Variants in XIRP2 observed in about 807,000 individuals in gnomAD.
The protein encoded by XIRP2 is xin actin-binding repeat-containing protein 2.
In XIRP2, 236 loss-of-function variants were observed where a neutral mutation model predicts 277.0. The ratio of observed to expected loss-of-function variants is 0.85; its 90% CI spans 0.77 to 0.95. The LOEUF (loss-of-function observed/expected upper bound fraction) is 0.95, where lower values mean the gene tolerates loss of function less well. XIRP2 is among the 40% of genes least tolerant of loss of function. The pLI, the probability that XIRP2 is intolerant of heterozygous loss-of-function variation, is 0.00. For missense variants in XIRP2, 4,640 were observed against 4,157.5 expected (o/e 1.12, Z -3.19); for synonymous variants, 1,490 against 1,416.5 (o/e 1.05, Z -1.17).
intron 8 of XIRP2, 133 bp downstream of exon 8, chr2:167,242,043 T>A: frequency 8.6e-7 from 1 of 1,165,188 alleles, no homozygotes; most frequent in Non-Finnish European, 1.1e-6. Context: ...TATTCAGTTC[T>A]GTAAGGAGAA....
chr2:166,985,628 C>T (rs1038926222), intron 2 of XIRP2, among the ~76,000 whole-genome samples: 3 of 152,024 alleles, frequency 2.0e-5, no homozygotes, highest in Admixed American at 6.5e-5. Flanking sequence ...GACAGGGTTT[C>T]ACCGTATTAG....
chr2:167,187,479 A>G, intron 3 of XIRP2: 3 of 985,342 alleles, frequency 3.0e-6, no homozygotes, highest in Non-Finnish European at 3.6e-6. Flanking sequence ...GAAGAACTAT[A>G]AAGATATATG....
intron 2 of XIRP2, among the ~76,000 whole-genome samples, chr2:166,963,281 T>C (rs1511212): frequency 1.3e-3 from 190 of 151,904 alleles, no homozygotes; most frequent in Non-Finnish European, 2.3e-3. Context: ...TATATATTTA[T>C]TTAGCAGTCC....
chr2:167,249,538 C>A lies in XIRP2; in HGVS notation c.8146C>A (p.Pro2716Thr), dbSNP rs772223666. ...TTTCAAAGTTAAAACCATCAAACTT[C>A]CAACTCTAGATCATACATTAAATGA... ...PNFKVKTIKL[P>T]TLDHTLNETD... is the part of the protein sequence containing the mutation. Residue 2716 changes from proline (P) to threonine (T), a missense_variant, in exon 9 of 11, where the codon CCA becomes ACA. By Grantham distance (38) the Pro-to-Thr change is conservative. Coordinates refer to ENST00000409195, the MANE Select transcript of XIRP2 (RefSeq NM_152381.6). 3.7e-6 allele frequency: 6 copies of A among 1,613,708 alleles called. No individual in the cohort carries two copies. Among genetic ancestry groups the A allele is most frequent in the Non-Finnish European group, 5.1e-6 (6 of 1,179,814 alleles).
At chr2:167,132,379 C>A (rs1048330611) in intron 2 of XIRP2, among the ~76,000 whole-genome samples, 4 of 152,088 alleles carry the variant, frequency 2.6e-5, no homozygotes, top group African/African-American at 9.7e-5. Context: ...CCTACCTGCA[C>A]AGAATAAGGC....
chr2:167,187,902 T>C (rs923299670), intron 3 of XIRP2, among the ~76,000 whole-genome samples: 3 of 152,190 alleles, frequency 2.0e-5, no homozygotes, highest in African/African-American at 7.2e-5. Context: ...CTATAAATTG[T>C]ATTTCTTGGA....
At chr2:166,894,950 A>G (rs1414763687) in intron 1 of XIRP2, among the ~76,000 whole-genome samples, 1 of 152,194 alleles carries the variant, frequency 6.6e-6, no homozygotes, top group Non-Finnish European at 1.5e-5. Context: ...TGCTGAGAAC[A>G]GAAGGATAAA....
intron 2 of XIRP2, among the ~76,000 whole-genome samples, chr2:166,981,942 A>G (rs1686880594): frequency 6.6e-6 from 1 of 152,156 alleles, no homozygotes; most frequent in Admixed American, 6.5e-5. Context: ...TTTCTTTCCT[A>G]AAGTTCAAAG....
intron 5 of XIRP2, among the ~76,000 whole-genome samples, chr2:167,221,574 A>C (rs1203070281): frequency 6.6e-6 from 1 of 152,012 alleles, no homozygotes; most frequent in Admixed American, 6.6e-5. Flanking sequence ...TGGCTATAGC[A>C]GGGAAAATGT....
chr2:167,133,681 A>T (rs1313951576), intron 2 of XIRP2, among the ~76,000 whole-genome samples: 1 of 152,170 alleles, frequency 6.6e-6, no homozygotes, highest in Non-Finnish European at 1.5e-5. Context: ...CTTTGTAGGG[A>T]TCTGCACCTT....
rs1456319662 is a variant in XIRP2 at position 167,214,221 on chromosome 2, G to GAA, written c.723+3326_723+3327insAA. Among the ~76,000 whole-genome samples the GAA allele has an allele frequency of 2.3e-3, 214 of 92,838 alleles. 5 individuals are homozygous for GAA. Among genetic ancestry groups the GAA allele is most frequent in the East Asian group, 0.014 (40 of 2,808 alleles). 60.9% of individuals were successfully genotyped at this position (92,838 alleles called of 152,430 possible). A position where few individuals can be genotyped will look rare whatever the true frequency, so the allele number is the denominator to read the frequency against. On this transcript the variant is annotated intron_variant, in intron 4 of 10. Coordinates refer to ENST00000409195, the MANE Select transcript of XIRP2 (RefSeq NM_152381.6). ...GAGAGAAAGAGAGGGAGGGAGGGAG[G>GAA]GAGGGAGGAAGGAAGGAAGGAAGGA...
At chr2:167,158,892 G>A (rs1050761323) in intron 3 of XIRP2, among the ~76,000 whole-genome samples, 6 of 152,034 alleles carry the variant, frequency 3.9e-5, no homozygotes, top group Admixed American at 6.6e-5. Flanking sequence ...AGTAATAGAC[G>A]ATTGGCTACA....
chr2:166,952,804 A>G (rs1686069327), intron 2 of XIRP2, among the ~76,000 whole-genome samples: 2 of 151,900 alleles, frequency 1.3e-5, no homozygotes, highest in African/African-American at 4.8e-5. Context: ...TGTTTCAACA[A>G]ATGAAATAAA....
chr2:166,911,615 G>A (rs1280057823), intron 2 of XIRP2, among the ~76,000 whole-genome samples: 7 of 152,022 alleles, frequency 4.6e-5, no homozygotes, highest in Non-Finnish European at 1.0e-4. Context: ...TTCAATTTAA[G>A]GTTAATATTG....
chr2:167,208,955 C>T (rs755298362), intron 3 of XIRP2, among the ~76,000 whole-genome samples: 1 of 152,128 alleles, frequency 6.6e-6, no homozygotes, highest in African/African-American at 2.4e-5. Flanking sequence ...AGAGAAGCCA[C>T]AGGGAAAAAT....
chr2:167,018,849 G>A (rs753056733), intron 2 of XIRP2, among the ~76,000 whole-genome samples: 2 of 152,008 alleles, frequency 1.3e-5, no homozygotes, highest in African/African-American at 2.4e-5. Flanking sequence ...CTCAGTATCC[G>A]TAGAGCATGC....
intron 3 of XIRP2, chr2:167,140,832 GA>G (rs1691697535): frequency 6.6e-6 from 1 of 152,100 alleles, no homozygotes; most frequent in African/African-American, 2.4e-5. Context: ...CTTACAGTCA[GA>G]TCCACCTGCA....
At chr2:167,213,770 A>G (rs1694131367) in intron 4 of XIRP2, among the ~76,000 whole-genome samples, 1 of 152,170 alleles carries the variant, frequency 6.6e-6, no homozygotes, top group Admixed American at 6.5e-5. Flanking sequence ...AGGTCCTGCC[A>G]TCTCACATGT....
intron 3 of XIRP2, among the ~76,000 whole-genome samples, chr2:167,209,840 T>C (rs551609016): frequency 2.0e-5 from 3 of 152,264 alleles, no homozygotes; most frequent in Admixed American, 1.3e-4. Context: ...CTTATGTTCC[T>C]TTCACATAAG....
Sources: allele counts gnomAD v4.1 joint callset (sites outside exome capture counted in the v4.1 genomes callset), GRCh38; gene constraint gnomAD v4.1.1; transcripts MANE v1.5; gene names NCBI Gene and HGNC (gene_info 2026-07-23, HGNC 2026-07-21).